Variants in NEDD4L observed in about 807,000 individuals in gnomAD.
NEDD4L encodes the protein NEDD4 like E3 ubiquitin protein ligase.
In NEDD4L, 54 loss-of-function variants were observed where a neutral mutation model predicts 148.9. That is an observed-to-expected ratio of 0.36 (90% CI 0.29 to 0.45). The LOEUF (loss-of-function observed/expected upper bound fraction) is 0.45. Ranked by LOEUF, NEDD4L falls within the 20% of genes least tolerant of loss-of-function variation. The pLI, the probability that NEDD4L is intolerant of heterozygous loss-of-function variation, is 1.00. For synonymous variants in NEDD4L, 433 were observed against 440.7 expected (o/e 0.98, Z 0.22); for missense variants, 856 against 1,233.8 (o/e 0.69, Z 4.59).
At chr18:58,088,334 A>C (rs1425932693) in intron 1 of NEDD4L, among the ~76,000 whole-genome samples, 1 of 152,242 alleles carries the variant, frequency 6.6e-6, no homozygotes, top group Admixed American at 6.5e-5. Flanking sequence ...ATTGGGGGCT[A>C]TCATGGAGGT....
intron 2 of NEDD4L, among the ~76,000 whole-genome samples, chr18:58,192,934 A>G (rs978404545): frequency 1.3e-5 from 2 of 152,210 alleles, no homozygotes; most frequent in East Asian, 1.9e-4. Context: ...ACTTCTGATC[A>G]TTTTAAACAA....
At chr18:58,228,875 C>G (rs2044709247) in intron 2 of NEDD4L, among the ~76,000 whole-genome samples, 1 of 152,346 alleles carries the variant, frequency 6.6e-6, no homozygotes, top group East Asian at 1.9e-4. Flanking sequence ...ACTTGGAATT[C>G]TTTGCAAAGT....
chr18:58,365,929 G>C, intron 20 of NEDD4L, 70 bp from the exon 21 acceptor site: 1 of 1,102,684 alleles, frequency 9.1e-7, no homozygotes, highest in Admixed American at 2.6e-5. Flanking sequence ...ACCATTTGCT[G>C]TTGTTTTTAT....
intron 1 of NEDD4L, among the ~76,000 whole-genome samples, chr18:58,077,422 C>T (rs2083230476): frequency 1.3e-5 from 2 of 152,138 alleles, no homozygotes; most frequent in Non-Finnish European, 2.9e-5. Flanking sequence ...CCACCTCGGC[C>T]TCCCAAAGTA....
At chr18:58,228,980 G>A (rs990053282) in intron 2 of NEDD4L, among the ~76,000 whole-genome samples, 2 of 152,106 alleles carry the variant, frequency 1.3e-5, no homozygotes, top group Non-Finnish European at 1.5e-5. Flanking sequence ...CTCGAGGCGC[G>A]GCTCACAACT....
intron 1 of NEDD4L, among the ~76,000 whole-genome samples, chr18:58,154,894 A>G (rs572252884): frequency 4.9e-4 from 75 of 152,200 alleles, no homozygotes; most frequent in Admixed American, 2.0e-3. Context: ...ATGTGTTTGT[A>G]TATGTAAATA....
chr18:58,161,140 C>T (rs1203057177), intron 1 of NEDD4L, among the ~76,000 whole-genome samples: 1 of 152,166 alleles, frequency 6.6e-6, no homozygotes, highest in African/African-American at 2.4e-5. Context: ...CCTCCATTCT[C>T]CTGCCTCAGC....
At chr18:58,051,661 AG>A (rs2081877208) in intron 1 of NEDD4L, among the ~76,000 whole-genome samples, 1 of 152,248 alleles carries the variant, frequency 6.6e-6, no homozygotes, top group Non-Finnish European at 1.5e-5. Flanking sequence ...GAGTAGCAGC[AG>A]TGAAAAAAAG....
chr18:58,048,272 A>G (rs1044700203), intron 1 of NEDD4L, among the ~76,000 whole-genome samples: 1 of 152,188 alleles, frequency 6.6e-6, no homozygotes, highest in South Asian at 2.1e-4. Context: ...ACTCATTTAC[A>G]TATAATTATC....
intron 5 of NEDD4L, among the ~76,000 whole-genome samples, chr18:58,287,510 G>T (rs575357976): frequency 6.6e-6 from 1 of 152,202 alleles, no homozygotes; most frequent in African/African-American, 2.4e-5. Context: ...ACAGCTCTGG[G>T]CAACGTGGAA....
intron 3 of NEDD4L, among the ~76,000 whole-genome samples, chr18:58,246,265 T>G (rs1230863019): frequency 6.6e-6 from 1 of 152,158 alleles, no homozygotes. Flanking sequence ...TGGAGCTGTT[T>G]GTGGAATTGG....
At chr18:58,133,988 T>A (rs2146010314) in intron 1 of NEDD4L, among the ~76,000 whole-genome samples, 1 of 152,198 alleles carries the variant, frequency 6.6e-6, no homozygotes. Flanking sequence ...AGCTTAATAT[T>A]CTTTATTTTT....
intron 21 of NEDD4L, among the ~76,000 whole-genome samples, chr18:58,367,431 C>G (rs930049380): frequency 6.6e-6 from 1 of 152,182 alleles, no homozygotes; most frequent in Non-Finnish European, 1.5e-5. Context: ...TGCACAGCCC[C>G]TTTATTATGT....
chr18:58,114,992 A>G (rs980299025), intron 1 of NEDD4L, among the ~76,000 whole-genome samples: 15 of 152,170 alleles, frequency 9.9e-5, no homozygotes, highest in Non-Finnish European at 1.9e-4. Context: ...TCTGCTGATT[A>G]GCAACTTTAA....
chr18:58,107,340 G>A (rs1415217739), intron 1 of NEDD4L, among the ~76,000 whole-genome samples: 2 of 152,206 alleles, frequency 1.3e-5, no homozygotes, highest in African/African-American at 2.4e-5. Flanking sequence ...GATTGAATAC[G>A]CAGATATTAA....
chr18:58,127,068 A>G (rs1054772681), intron 1 of NEDD4L, among the ~76,000 whole-genome samples: 3 of 152,118 alleles, frequency 2.0e-5, no homozygotes, highest in African/African-American at 7.2e-5. Flanking sequence ...TTCTCTGCTT[A>G]CCTGTTCATG....
chr18:58,263,489 A>G (rs1355104038), intron 5 of NEDD4L, among the ~76,000 whole-genome samples: 3 of 152,134 alleles, frequency 2.0e-5, no homozygotes, highest in Admixed American at 6.5e-5. Flanking sequence ...GTTATTAAGC[A>G]TGTTAAATAC....
intron 1 of NEDD4L, among the ~76,000 whole-genome samples, chr18:58,049,673 T>C (rs946327578): frequency 6.6e-6 from 1 of 152,196 alleles, no homozygotes; most frequent in African/African-American, 2.4e-5. Context: ...ATATAACATG[T>C]TGTTTTAAAA....
Position 58,397,720 on chromosome 18 carries a change from G to A in NEDD4L, c.*1451G>A, listed in dbSNP as rs2050585067. 1 of 152,668 alleles carries A rather than the reference G, an allele frequency of 6.6e-6. No individual in the cohort carries two copies. The highest frequency in any genetic ancestry group is 2.1e-4 in the South Asian group (1 of 4,828). The allele number at this position is 152,668 out of a possible 1,614,324, so 9.5% of individuals were successfully genotyped here. A position where few individuals can be genotyped will look rare whatever the true frequency, so the allele number is the denominator to read the frequency against. ...GCAGAGGACTGAGGGTACCTGCACA[G>A]TTTGATTCTTTTCCACGTGTAAGTC... On this transcript the variant is annotated 3_prime_UTR_variant, in exon 31 of 31. Transcript: ENST00000400345.
Sources: gnomAD v4.1 joint callset for allele counts (sites outside exome capture counted in the v4.1 genomes callset) on GRCh38, gnomAD v4.1.1 for gene constraint, MANE v1.5 for transcripts, NCBI Gene and HGNC (gene_info 2026-07-23, HGNC 2026-07-21) for gene names.